SIVA1: variants seen among roughly 807,000 people sequenced by gnomAD.
SIVA1 encodes SIVA1 apoptosis inducing factor.
In SIVA1, 10 loss-of-function variants were observed where a neutral mutation model predicts 19.7. The observed-to-expected ratio is 0.51, with a 90% CI of 0.31 to 0.86. The LOEUF (loss-of-function observed/expected upper bound fraction) is 0.86. SIVA1 is among the 40% of genes least tolerant of loss of function. SIVA1 has a pLI of 0.04. For missense variants in SIVA1, 241 were observed against 245.2 expected, an observed-to-expected ratio of 0.98 and a Z score of 0.11; for synonymous variants, 130 against 106.1, an observed-to-expected ratio of 1.23 and a Z score of -1.39.
chr14:104,754,636 C>G (rs1891824904), intron 1 of SIVA1, among the ~76,000 whole-genome samples: 2 of 152,162 alleles, frequency 1.3e-5, no homozygotes, highest in Admixed American at 1.3e-4. Context: ...ATGCAGGACA[C>G]CTACTTTGAA....
At chr14:104,754,794 G>C (rs1289097063) in intron 1 of SIVA1, among the ~76,000 whole-genome samples, 1 of 152,154 alleles carries the variant, frequency 6.6e-6, no homozygotes, top group Non-Finnish European at 1.5e-5. Context: ...GGTGTGGGGG[G>C]CCAGGAGGAA....
intron 1 of SIVA1, chr14:104,753,738 A>T (rs1484099512): frequency 2.2e-6 from 1 of 452,736 alleles, no homozygotes; most frequent in Non-Finnish European, 4.5e-6. Context: ...CCCAAGAGGT[A>T]TTCATGGAGC....
At chr14:104,755,546 T>C (rs1891855459) in intron 1 of SIVA1, 84 bp from the exon 2 acceptor site, 2 of 1,224,750 alleles carry the variant, frequency 1.6e-6, no homozygotes, top group East Asian at 2.3e-5. Flanking sequence ...ATGGGGTTCA[T>C]GTGAGGCTAG....
chr14:104,758,095 C>T (rs1595228253), intron 3 of SIVA1: 2 of 152,426 alleles, frequency 1.3e-5, no homozygotes, highest in African/African-American at 4.8e-5. Context: ...CCCGCAGTCT[C>T]CTACCCCCTC....
At chr14:104,756,535 A>G in intron 2 of SIVA1, 69 bp from the exon 3 acceptor site, 2 of 1,580,852 alleles carry the variant, frequency 1.3e-6, no homozygotes, top group Non-Finnish European at 1.7e-6. Context: ...GCATGGAGGC[A>G]GGTAGCCCGG....
Position 104,755,768 on chromosome 14 carries a change from T to C in SIVA1, c.257T>C (p.Met86Thr). ...TGAPRAARGQ[M>T]LIGPDGRLIR... ...GCCCCGAGGGCTGCACGTGGGCAGA[T>C]GCTGATTGGACCAGACGGCCGCCTG... The change falls in exon 2 of 4, where the codon ATG becomes ACG. Residue 86 changes from methionine (M) to threonine (T), a missense_variant. Transcript: ENST00000329967. The C allele has an allele frequency of 6.2e-7, 1 of 1,614,110 alleles. No individual in the cohort carries two copies. Among genetic ancestry groups the C allele is most frequent in the Non-Finnish European group, 8.5e-7 (1 of 1,180,040 alleles).
intron 3 of SIVA1, chr14:104,757,147 G>C: frequency 3.0e-6 from 1 of 333,492 alleles, no homozygotes. Context: ...CATGCGTGCC[G>C]TTTGGTTGTA....
In SIVA1 at chr14:104,759,231, G is replaced by A. The variant is rs181023805; in HGVS notation, c.471-197G>A. ...TCTCTTCACGTAGTCTTTTTAGGACGCTGGTCGTGTTGCCTTAGGGCCCCC... is the reference window on the plus strand; with the variant it reads ...TCTCTTCACGTAGTCTTTTTAGGACACTGGTCGTGTTGCCTTAGGGCCCCC... On this transcript the variant is annotated intron_variant, in intron 3 of 3. Coordinates refer to ENST00000329967, the MANE Select transcript of SIVA1 (RefSeq NM_006427.4). This position sits in a 1 kb window ranked among gnomAD's most constrained non-coding sequence, Gnocchi z 4.2. 4 of 477,788 alleles carry A rather than the reference G, an allele frequency of 8.4e-6. No homozygotes were observed. Among genetic ancestry groups the A allele is most frequent in the Non-Finnish European group, 1.1e-5 (3 of 267,594 alleles). 29.6% of individuals were successfully genotyped at this position (477,788 alleles called of 1,614,324 possible).
chr14:104,756,378 C>G (rs757792336), intron 2 of SIVA1: 7 of 591,102 alleles, frequency 1.2e-5, no homozygotes, highest in Non-Finnish European at 2.1e-5. Flanking sequence ...GAGCACTGAA[C>G]TTGGAGTCAA....
rs149750921 is a variant in SIVA1, at chr14:104,759,476, C to A, written c.519C>A (p.Phe173Leu). Reference protein sequence around the residue: ...EKVLCTSCAMFET With the variant: ...EKVLCTSCAMLET ...TGCTGTGCACCAGCTGTGCCATGTT[C>A]GAGACCTGAGGCTGGCTCAAGCCGG... The change falls in exon 4 of 4, where the codon TTC (phenylalanine) becomes TTA (leucine). Residue 173 changes from phenylalanine (F) to leucine (L), a missense_variant. Transcript: ENST00000329967. The surrounding 1 kb of genome is among the most constrained non-coding windows in gnomAD (Gnocchi z 4.2). The A allele has an allele frequency of 1.2e-6, 2 of 1,611,228 alleles. No homozygotes were observed. Among genetic ancestry groups the A allele is most frequent in the Non-Finnish European group, 1.7e-6 (2 of 1,179,820 alleles).
chr14:104,759,173 G>C lies in SIVA1; in HGVS notation c.471-255G>C. The stretch of plus-strand genomic sequence containing the variant: ...CCCTGTAGACAGCTGCCCCCTCCCT[G>C]TATCTTCATGTCGTCTTCCTTCTCT... On this transcript the variant is annotated intron_variant, in intron 3 of 3. Coordinates refer to ENST00000329967, the MANE Select transcript of SIVA1 (RefSeq NM_006427.4). This position sits in a 1 kb window ranked among gnomAD's most constrained non-coding sequence, Gnocchi z 4.2. 2.7e-6 allele frequency: 1 copy of C among 370,246 alleles called. No individual in the cohort carries two copies. The highest frequency in any genetic ancestry group is 4.9e-6 in the Non-Finnish European group (1 of 204,184). The allele number at this position is 370,246 out of a possible 1,614,324, so 22.9% of individuals were successfully genotyped here.
intron 3 of SIVA1, chr14:104,757,656 C>T (rs907414526): frequency 2.6e-5 from 4 of 153,364 alleles, no homozygotes; most frequent in African/African-American, 9.6e-5. Flanking sequence ...GTGGGATACT[C>T]TGTCTTTGCT....
At position 104,753,222 on chromosome 14, in the gene SIVA1, C is replaced by T. The variant is rs750324227; in HGVS notation, c.21C>T (p.Pro7=). ...CGGCCATGCCCAAGCGGAGCTGCCC[C>T]TTCGCGGACGTGGCCCCGCTACAGC... MPKRSC[P]FADVAPLQLK... The change falls in exon 1 of 4, where the codon CCC becomes CCT. Residue 7 remains proline (P), a synonymous_variant. Transcript: ENST00000329967. 6.3e-6 allele frequency: 10 copies of T among 1,581,698 alleles called. No homozygotes were observed. The highest frequency in any genetic ancestry group is 3.5e-4 in the Middle Eastern group (2 of 5,718).
chr14:104,758,106 C>T (rs1445819080), intron 3 of SIVA1: 2 of 152,428 alleles, frequency 1.3e-5, no homozygotes, highest in Non-Finnish European at 2.9e-5. Context: ...CTACCCCCTC[C>T]CCTGCCATTT....
At chr14:104,756,933 G>T in intron 3 of SIVA1, 173 bp downstream of exon 3, 2 of 705,392 alleles carry the variant, frequency 2.8e-6, no homozygotes, top group South Asian at 1.9e-5. Flanking sequence ...CCCAACTTTA[G>T]TGGTTAGTAA....
intron 1 of SIVA1, chr14:104,753,622 G>A (rs1415466427): frequency 1.3e-5 from 6 of 467,470 alleles, no homozygotes; most frequent in East Asian, 4.2e-5. Flanking sequence ...GCAGTGAGCG[G>A]CACCCGCCTG....
chr14:104,756,482 TG>T, intron 2 of SIVA1, 121 bp from the exon 3 acceptor site: 2 of 1,061,706 alleles, frequency 1.9e-6, no homozygotes, highest in Non-Finnish European at 2.8e-6. Flanking sequence ...CCAGTGTAGG[TG>T]GGGATGGGGT....
chr14:104,753,558 T>A (rs762328207), intron 1 of SIVA1, among the ~76,000 whole-genome samples: 9 of 152,092 alleles, frequency 5.9e-5, no homozygotes, highest in Non-Finnish European at 1.0e-4. Flanking sequence ...AAGAAAAGGG[T>A]CCCTGCCCCT....
At position 104,756,616 on chromosome 14, in the gene SIVA1, T is replaced by G; in HGVS notation, c.326T>G (p.Val109Gly). The G allele has an allele frequency of 6.2e-7, 1 of 1,614,156 alleles. No individual in the cohort carries two copies. The highest frequency in any genetic ancestry group is 8.5e-7 in the Non-Finnish European group (1 of 1,180,022). Residue 109 changes from valine to glycine, a missense_variant, in exon 3 of 4, where the codon GTA (valine) becomes GGA (glycine). Val to Gly is a moderately radical substitution (Grantham distance 109). Coordinates refer to ENST00000329967, the MANE Select transcript of SIVA1 (RefSeq NM_006427.4). The part of the protein sequence containing the change: ...GQASEADPSG[V>G]ASIACSSCVR... ...TTCTTCCTCACAGACCCATCTGGGG[T>G]AGCGTCCATTGCCTGTTCCTCATGC...
Sources: gnomAD v4.1 joint callset for allele counts (sites outside exome capture counted in the v4.1 genomes callset) on GRCh38, gnomAD v4.1.1 for gene constraint, Gnocchi (gnomAD v3.1) non-coding constraint, MANE v1.5 for transcripts, NCBI Gene and HGNC (gene_info 2026-07-23, HGNC 2026-07-21) for gene names.